PINX1: variants seen among roughly 807,000 people sequenced by gnomAD.
PINX1 encodes PIN2/TERF1-interacting telomerase inhibitor 1.
A neutral mutation model predicts 25.4 loss-of-function variants in PINX1; 34 were observed. The ratio of observed to expected loss-of-function variants is 1.34; its 90% CI spans 1.02 to 1.78. PINX1 has a LOEUF of 1.78. Among genes scored for constraint, PINX1 ranks in the 40% most tolerant of loss-of-function variants. PINX1 has a pLI of 0.00. For missense variants in PINX1, 592 were observed against 404.9 expected (o/e 1.46, Z -3.97); for synonymous variants, 197 against 147.7 (o/e 1.33, Z -2.42).
In PINX1 at chr8:10,773,457, T is replaced by C. The variant is rs79998833; in HGVS notation, c.472-7541A>G. Among the ~76,000 whole-genome samples the C allele has an allele frequency of 8.1e-3, 1,227 of 152,296 alleles. 18 individuals are homozygous for C. Among genetic ancestry groups the C allele is most frequent in the African/African-American group, 0.028 (1,163 of 41,550 alleles). On this transcript the variant is annotated intron_variant, in intron 6 of 6. Transcript: ENST00000314787. ...AGCACTCTCAGCAACCCAGTAAGTA[T>C]GCAGAGATACCTTTCTAATATCAGG...
In PINX1 at chr8:10,820,256, T is replaced by C; in HGVS notation, c.408A>G (p.Ser136=). 1 of 1,610,910 alleles carries C rather than the reference T, an allele frequency of 6.2e-7. No individual in the cohort carries two copies. The change falls in exon 6 of 7, where the codon TCA becomes TCG. Residue 136 remains serine (S), a synonymous_variant. Transcript: ENST00000314787. ...AGTCAAGATCTGTTTTGCTCCGAGA[T>C]GACAGATCCTTCCCTAGAAAAACAA... ...YMKFTKGKDL[S]SRSKTDLDCI... is the part of the protein sequence containing the mutation.
intron 6 of PINX1, among the ~76,000 whole-genome samples, chr8:10,785,422 T>C (rs1801717591): frequency 6.6e-6 from 1 of 152,226 alleles, no homozygotes; most frequent in Non-Finnish European, 1.5e-5. Context: ...ATTATCCAAA[T>C]GACTTAATTA....
intron 6 of PINX1, among the ~76,000 whole-genome samples, chr8:10,768,526 A>G (rs1801128656): frequency 6.6e-6 from 1 of 152,198 alleles, no homozygotes; most frequent in Non-Finnish European, 1.5e-5. Flanking sequence ...GGGTCACTGC[A>G]CAGGCTTGGC....
intron 5 of PINX1, among the ~76,000 whole-genome samples, chr8:10,822,625 G>T (rs944099627): frequency 6.6e-6 from 1 of 152,152 alleles, no homozygotes; most frequent in East Asian, 1.9e-4. Flanking sequence ...TGGGAAGGGA[G>T]GAACATTACT....
intron 6 of PINX1, among the ~76,000 whole-genome samples, chr8:10,793,099 TA>T (rs1801975058): frequency 6.6e-6 from 1 of 152,170 alleles, no homozygotes; most frequent in South Asian, 2.1e-4. Context: ...AACACTCTGC[TA>T]GGGGTAGATA....
At chr8:10,776,639 T>C (rs1801405862) in intron 6 of PINX1, among the ~76,000 whole-genome samples, 1 of 152,132 alleles carries the variant, frequency 6.6e-6, no homozygotes, top group East Asian at 1.9e-4. Flanking sequence ...CTGGGTCCTC[T>C]TGAGGCTCAC....
rs377096650 is a variant in PINX1, at chr8:10,812,436, G to T, written c.471+7757C>A. Among the ~76,000 whole-genome samples, 12 of 152,274 alleles carry T rather than the reference G, an allele frequency of 7.9e-5. No homozygotes were observed. The East Asian group carries it at 1.9e-3, about 25-fold the overall frequency. ...GGAAGGGCTTGAATGCATTTAGCTG[G>T]GACTCTTGCCTGGTACCAGAACCTG... On this transcript the variant is annotated intron_variant, in intron 6 of 6. Transcript: ENST00000314787.
At chr8:10,778,649 C>T (rs1376810361) in intron 6 of PINX1, among the ~76,000 whole-genome samples, 1 of 152,188 alleles carries the variant, frequency 6.6e-6, no homozygotes, top group African/African-American at 2.4e-5. Flanking sequence ...ATCTGAGACA[C>T]GTGGCCGCTG....
At chr8:10,787,355 G>T (rs181248014) in intron 6 of PINX1, among the ~76,000 whole-genome samples, 3 of 151,772 alleles carry the variant, frequency 2.0e-5, no homozygotes, top group Admixed American at 1.3e-4. Context: ...GCCCCCCAAG[G>T]AGCTGGGACT....
intron 5 of PINX1, among the ~76,000 whole-genome samples, chr8:10,823,765 C>G (rs551652123): frequency 6.6e-6 from 1 of 152,212 alleles, no homozygotes; most frequent in Non-Finnish European, 1.5e-5. Flanking sequence ...AAGGTCAAGT[C>G]TGCAGTGAGC....
chr8:10,775,411 T>TG (rs1801358898), intron 6 of PINX1, among the ~76,000 whole-genome samples: 1 of 27,748 alleles, frequency 3.6e-5, no homozygotes, highest in African/African-American at 2.5e-4. Context: ...TGTTTTGTGG[T>TG]TTTTTTTTTT....
intron 2 of PINX1, 147 bp downstream of exon 2, chr8:10,834,519 T>C (rs949465367): frequency 1.5e-5 from 18 of 1,177,312 alleles, no homozygotes; most frequent in Non-Finnish European, 2.0e-5. Flanking sequence ...TTTATCATCA[T>C]AAGGTCACAA....
intron 6 of PINX1, among the ~76,000 whole-genome samples, chr8:10,767,579 T>A (rs995408329): frequency 6.6e-6 from 1 of 152,232 alleles, no homozygotes; most frequent in Non-Finnish European, 1.5e-5. Context: ...CTCAGGAGAT[T>A]TGTCTTTTTG....
At chr8:10,807,662 G>A (rs1369142130) in intron 6 of PINX1, among the ~76,000 whole-genome samples, 1 of 152,158 alleles carries the variant, frequency 6.6e-6, no homozygotes, top group African/African-American at 2.4e-5. Context: ...ATGGCTATCA[G>A]AAGACACTAG....
chr8:10,774,500 C>T (rs369210504), intron 6 of PINX1, among the ~76,000 whole-genome samples: 10 of 152,126 alleles, frequency 6.6e-5, no homozygotes, highest in East Asian at 1.9e-4. Context: ...AGGCTGGTCT[C>T]GAACTCCCGA....
chr8:10,767,721 A>T (rs1473543312), intron 6 of PINX1, among the ~76,000 whole-genome samples: 3 of 151,916 alleles, frequency 2.0e-5, no homozygotes, highest in African/African-American at 7.2e-5. Flanking sequence ...GGGCACCCTC[A>T]CAGCCACAGA....
At chr8:10,800,923 T>C (rs2129079740) in intron 6 of PINX1, among the ~76,000 whole-genome samples, 2 of 152,306 alleles carry the variant, frequency 1.3e-5, no homozygotes, top group South Asian at 4.1e-4. Flanking sequence ...GACAAATCTG[T>C]CCCAACTCTC....
intron 6 of PINX1, among the ~76,000 whole-genome samples, chr8:10,817,230 G>C (rs1797725872): frequency 6.6e-6 from 1 of 152,166 alleles, no homozygotes; most frequent in Non-Finnish European, 1.5e-5. Flanking sequence ...GGAGGGAGGT[G>C]ACCTCCAGCA....
At chr8:10,837,724 CA>C (rs1798445856) in intron 1 of PINX1, among the ~76,000 whole-genome samples, 2 of 152,176 alleles carry the variant, frequency 1.3e-5, no homozygotes, top group African/African-American at 4.8e-5. Context: ...CACAACAGCT[CA>C]ATACCACATG....
Sources: allele counts gnomAD v4.1 joint callset (sites outside exome capture counted in the v4.1 genomes callset), GRCh38; gene constraint gnomAD v4.1.1; transcripts MANE v1.5; gene names NCBI Gene and HGNC (gene_info 2026-07-23, HGNC 2026-07-21).